GPC5: variants seen among roughly 807,000 people sequenced by gnomAD.
GPC5 encodes glypican 5.
A neutral mutation model predicts 53.9 loss-of-function variants in GPC5; 47 were observed. The observed-to-expected ratio is 0.87, with a 90% CI of 0.69 to 1.11. The LOEUF is 1.11. Among genes scored for constraint, GPC5 ranks in the 50% most tolerant of loss-of-function variants. GPC5 has a pLI of 0.00. For missense variants in GPC5, 748 were observed against 713.1 expected, an observed-to-expected ratio of 1.05 and a Z score of -0.56; for synonymous variants, 286 against 263.3, an observed-to-expected ratio of 1.09 and a Z score of -0.84.
chr13:91,742,410 T>C (rs886778206), intron 4 of GPC5, among the ~76,000 whole-genome samples: 2 of 152,068 alleles, frequency 1.3e-5, no homozygotes, highest in South Asian at 4.1e-4. Flanking sequence ...AAACAGAAAA[T>C]GTTTTAAAAA....
intron 5 of GPC5, among the ~76,000 whole-genome samples, chr13:91,893,171 T>A (rs2039405696): frequency 1.3e-5 from 2 of 152,064 alleles, no homozygotes; most frequent in African/African-American, 4.8e-5. Context: ...TAGGCAGATT[T>A]GATAGTTTTA....
At chr13:92,428,669 A>G (rs1876950152) in intron 7 of GPC5, among the ~76,000 whole-genome samples, 1 of 152,122 alleles carries the variant, frequency 6.6e-6, no homozygotes, top group Non-Finnish European at 1.5e-5. Context: ...ATTTTGTGCC[A>G]AGTGTGCCCA....
At chr13:92,033,937 G>A (rs1330685809) in intron 6 of GPC5, among the ~76,000 whole-genome samples, 1 of 152,088 alleles carries the variant, frequency 6.6e-6, no homozygotes, top group Admixed American at 6.6e-5. Context: ...AAAAACAAGG[G>A]AATTGTTTTG....
chr13:92,204,118 A>T (rs2042315547), intron 7 of GPC5, among the ~76,000 whole-genome samples: 1 of 152,214 alleles, frequency 6.6e-6, no homozygotes, highest in Non-Finnish European at 1.5e-5. Context: ...GAATGGGAGA[A>T]TTTGTTTCTA....
rs1329989249 is a variant in GPC5 at position 92,814,559 on chromosome 13, G to C, written c.1562-51723G>C. Among the ~76,000 whole-genome samples, 6 of 151,678 alleles carry C rather than the reference G, an allele frequency of 4.0e-5. No homozygotes were observed. In the South Asian group the frequency reaches 6.2e-4, roughly 16 times the overall value. On this transcript the variant is annotated intron_variant, in intron 7 of 7. Coordinates refer to ENST00000377067, the MANE Select transcript of GPC5 (RefSeq NM_004466.6). ...GCTAGTAGTTCCAGCTATTTGGGAG[G>C]CTGAGGCAGGAAAATCACTTTAACC...
At chr13:92,145,029 A>G (rs745600002) in intron 7 of GPC5, 40 bp downstream of exon 7, 3 of 1,302,344 alleles carry the variant, frequency 2.3e-6, no homozygotes, top group Non-Finnish European at 3.0e-6. Context: ...TAAAACAATG[A>G]TTTTGAAATA....
At chr13:92,847,778 T>C (rs978499593) in intron 7 of GPC5, among the ~76,000 whole-genome samples, 2 of 152,188 alleles carry the variant, frequency 1.3e-5, no homozygotes, top group African/African-American at 4.8e-5. Flanking sequence ...TCTATAGGAT[T>C]TTTTTATTCA....
chr13:92,518,274 G>A lies in GPC5; in HGVS notation c.1562-348008G>A, dbSNP rs111420565. ...AACATTCAAATTCAGGAGATACGGA[G>A]GATGCCACAAAGATACTCCTCAAGA... On this transcript the variant is annotated intron_variant, in intron 7 of 7. Coordinates refer to ENST00000377067, the MANE Select transcript of GPC5 (RefSeq NM_004466.6). Among the ~76,000 whole-genome samples the A allele has an allele frequency of 2.5e-3, 376 of 152,236 alleles. 3 individuals are homozygous for A. The highest frequency in any genetic ancestry group is 8.1e-3 in the African/African-American group (338 of 41,538).
chr13:91,564,420 A>G (rs2031432215), intron 2 of GPC5, among the ~76,000 whole-genome samples: 1 of 152,288 alleles, frequency 6.6e-6, no homozygotes, highest in African/African-American at 2.4e-5. Flanking sequence ...TTAATTCTGT[A>G]TAAAAGTTTG....
chr13:91,667,914 G>C (rs1453556000), intron 2 of GPC5, among the ~76,000 whole-genome samples: 1 of 152,112 alleles, frequency 6.6e-6, no homozygotes, highest in Non-Finnish European at 1.5e-5. Flanking sequence ...GTGTGCTGCA[G>C]CAAAGACTGT....
intron 7 of GPC5, among the ~76,000 whole-genome samples, chr13:92,494,181 C>T (rs1879880095): frequency 6.6e-6 from 1 of 152,034 alleles, no homozygotes; most frequent in Non-Finnish European, 1.5e-5. Context: ...GCTCCGCCTC[C>T]TGGGTTCACG....
intron 6 of GPC5, among the ~76,000 whole-genome samples, chr13:92,081,711 C>T (rs183252096): frequency 5.3e-5 from 8 of 152,214 alleles, no homozygotes; most frequent in Admixed American, 3.9e-4. Context: ...GTTCCATATA[C>T]CAAAGCATAA....
chr13:91,966,701 T>C (rs2139084363), intron 6 of GPC5, among the ~76,000 whole-genome samples: 1 of 152,320 alleles, frequency 6.6e-6, no homozygotes, highest in South Asian at 2.1e-4. Context: ...TATTTGAAGT[T>C]GATGAAATGC....
chr13:91,720,551 T>C (rs1455004664), intron 3 of GPC5, among the ~76,000 whole-genome samples: 1 of 152,084 alleles, frequency 6.6e-6, no homozygotes, highest in Non-Finnish European at 1.5e-5. Flanking sequence ...GAATCAGTCT[T>C]CAGCACTGTC....
chr13:91,407,492 G>A (rs952728087), intron 1 of GPC5, among the ~76,000 whole-genome samples: 1 of 152,230 alleles, frequency 6.6e-6, no homozygotes, highest in African/African-American at 2.4e-5. Context: ...GTTGTTGAGA[G>A]AATGGAGAAA....
At chr13:91,602,399 G>A (rs141650094) in intron 2 of GPC5, among the ~76,000 whole-genome samples, 317 of 152,322 alleles carry the variant, frequency 2.1e-3, no homozygotes, top group African/African-American at 7.3e-3. Context: ...GAGATAATTT[G>A]TAATCATGGA....
intron 1 of GPC5, among the ~76,000 whole-genome samples, chr13:91,427,073 G>A (rs551477052): frequency 3.3e-4 from 51 of 152,322 alleles, no homozygotes; most frequent in African/African-American, 1.2e-3. Context: ...TGGATGTCCA[G>A]GCAGAAGTTT....
chr13:92,837,963 C>T (rs1197210638), intron 7 of GPC5, among the ~76,000 whole-genome samples: 6 of 151,644 alleles, frequency 4.0e-5, no homozygotes, highest in Admixed American at 3.9e-4. Context: ...GGCGTGGTGG[C>T]GCATGCCTGT....
intron 7 of GPC5, among the ~76,000 whole-genome samples, chr13:92,176,191 G>T (rs1010779336): frequency 5.9e-5 from 9 of 152,162 alleles, no homozygotes; most frequent in African/African-American, 1.9e-4. Context: ...GATGGAGCCG[G>T]TGACTCTGAA....
Sources: gnomAD v4.1 joint callset for allele counts (sites outside exome capture counted in the v4.1 genomes callset) on GRCh38, gnomAD v4.1.1 for gene constraint, MANE v1.5 for transcripts, NCBI Gene and HGNC (gene_info 2026-07-23, HGNC 2026-07-21) for gene names.